RIPOR3: variants seen among roughly 807,000 people sequenced by gnomAD.
RIPOR3 encodes the protein RIPOR family member 3, also known as family with sequence similarity 65 member C.
In RIPOR3, 95 loss-of-function variants were observed where a neutral mutation model predicts 114.3. The ratio of observed to expected loss-of-function variants is 0.83; its 90% CI spans 0.70 to 0.99. RIPOR3 has a LOEUF of 0.99. Ranked by LOEUF, RIPOR3 falls within the 50% of genes least tolerant of loss-of-function variation. The pLI is 0.00. For missense variants in RIPOR3, 1,252 were observed against 1,266.9 expected (o/e 0.99, Z 0.18); for synonymous variants, 575 against 543.8 (o/e 1.06, Z -0.80).
chr20:50,595,113 G>C (rs888004412), intron 16 of RIPOR3: 9 of 544,050 alleles, frequency 1.7e-5, no homozygotes, highest in Non-Finnish European at 2.6e-5. Context: ...TATGCAGATA[G>C]GGAAGCAGAG....
At position 50,605,928 on chromosome 20, in the gene RIPOR3, G is replaced by A. The variant is rs568698177; in HGVS notation, c.957-1154C>T. ...CTTTAGAAACCTTTCTCAAGGCTGG[G>A]CGTGGTGGCTCATGCCTGTAATCCC... On this transcript the variant is annotated intron_variant, in intron 11 of 21. Transcript: ENST00000327979. Among the ~76,000 whole-genome samples the A allele has an allele frequency of 3.8e-3, 580 of 152,330 alleles. 3 individuals carry two copies. Among genetic ancestry groups the A allele is most frequent in the Non-Finnish European group, 6.4e-3 (434 of 68,020 alleles).
intron 1 of RIPOR3, among the ~76,000 whole-genome samples, chr20:50,656,544 A>G (rs941800908): frequency 3.3e-5 from 5 of 152,040 alleles, no homozygotes; most frequent in African/African-American, 7.2e-5. Flanking sequence ...GCCTCATTTT[A>G]GAGGCAGAGT....
At position 50,619,848 on chromosome 20, in the gene RIPOR3, G is replaced by T. The variant is rs2084330527; in HGVS notation, c.269+138C>A. On this transcript the variant is annotated intron_variant, in intron 3 of 21. Transcript: ENST00000327979. ...CACGCGGCTGCACCCTGACATACTTGCTTACTAAACGAATGACCAGGAACT... is the reference window on the plus strand; with the variant it reads ...CACGCGGCTGCACCCTGACATACTTTCTTACTAAACGAATGACCAGGAACT... 1.4e-5 allele frequency: 16 copies of T among 1,172,614 alleles called. 2 individuals carry two copies. In the South Asian group the frequency reaches 2.2e-4, roughly 16 times the overall value. The allele number at this position is 1,172,614 out of a possible 1,614,324, so 72.6% of individuals were successfully genotyped here.
chr20:50,602,203 C>G lies in RIPOR3; in HGVS notation c.1528G>C (p.Glu510Gln). 1.9e-6 allele frequency: 3 copies of G among 1,613,776 alleles called. No homozygotes were observed. Among genetic ancestry groups the G allele is most frequent in the Admixed American group, 3.3e-5 (2 of 60,022 alleles). ...TCGAGGGCCACGCCAGGCCCGTCCT[C>G]TCTGTCCCCGGTTGCCCCTTCCTCG... ...GHEEGATGDR[E>Q]DGPGVALEGP... Residue 510 changes from glutamate to glutamine, a missense_variant, in exon 13 of 22, where the codon GAG becomes CAG. Physicochemically the swap from Glu to Gln is conservative, Grantham distance 29. Transcript: ENST00000327979. The surrounding 1 kb of genome is among the most constrained non-coding windows in gnomAD (Gnocchi z 4.3).
rs6020652 is a variant in RIPOR3, at chr20:50,631,511, C to T, written c.4-655G>A. On this transcript the variant is annotated intron_variant, in intron 1 of 21. Coordinates refer to ENST00000327979, the MANE Select transcript of RIPOR3 (RefSeq NM_001290268.2). ...AGCAAGAAGCTCAGTGGGCTAAAGACGAGGTCAGAGAGGCCGGCAGGGCTC... is the reference window on the plus strand; with the variant it reads ...AGCAAGAAGCTCAGTGGGCTAAAGATGAGGTCAGAGAGGCCGGCAGGGCTC... 2.8e-3 allele frequency among the ~76,000 whole-genome samples: 428 copies of T among 152,294 alleles called. 4 individuals carry two copies. The highest frequency in any genetic ancestry group is 1.0e-2 in the African/African-American group (414 of 41,572).
At position 50,638,199 on chromosome 20, in the gene RIPOR3, G is replaced by A. The variant is rs372738384; in HGVS notation, c.4-7343C>T. On this transcript the variant is annotated intron_variant, in intron 1 of 21. Transcript: ENST00000327979. Reference sequence around the variant, plus strand: ...TCTCTGCAGAGGACAGCGGCCTGACGGATAGACACACAATGAGTGCCCTGA... The same window carrying A: ...TCTCTGCAGAGGACAGCGGCCTGACAGATAGACACACAATGAGTGCCCTGA... Among the ~76,000 whole-genome samples, 75 of 152,324 alleles carry A rather than the reference G, an allele frequency of 4.9e-4. 4 individuals carry two copies. In the South Asian group the frequency reaches 0.014, roughly 29 times the overall value.
chr20:50,681,354 T>C (rs190863930), intron 1 of RIPOR3, among the ~76,000 whole-genome samples: 2 of 151,134 alleles, frequency 1.3e-5, no homozygotes, highest in East Asian at 1.9e-4. Context: ...AAAGACGTGA[T>C]GTAACTGCTC....
In RIPOR3 at chr20:50,602,493, T is replaced by C; in HGVS notation, c.1238A>G (p.Glu413Gly). 6.4e-7 allele frequency: 1 copy of C among 1,561,192 alleles called. No homozygotes were observed. Among genetic ancestry groups the C allele is most frequent in the South Asian group, 1.2e-5 (1 of 85,652 alleles). ...GCTGGTCTCCGTGTCTCGGGGGTCCTCAGAGCTGAAGGAGTCCATCTCAGG... is the reference window on the plus strand; with the variant it reads ...GCTGGTCTCCGTGTCTCGGGGGTCCCCAGAGCTGAAGGAGTCCATCTCAGG... Reference protein sequence around the residue: ...ELPEMDSFSSEDPRDTETSTS... With the variant: ...ELPEMDSFSSGDPRDTETSTS... Residue 413 changes from glutamate to glycine, a missense_variant, in exon 13 of 22, where the codon GAG (glutamate) becomes GGG (glycine). Transcript: ENST00000327979. This position sits in a 1 kb window ranked among gnomAD's most constrained non-coding sequence, Gnocchi z 4.3.
intron 1 of RIPOR3, among the ~76,000 whole-genome samples, chr20:50,641,202 C>G (rs889987338): frequency 6.6e-6 from 1 of 151,894 alleles, no homozygotes; most frequent in South Asian, 2.1e-4. Context: ...TGAGCCACCA[C>G]GTCCGGCTCA....
chr20:50,588,749 G>GAAAAAAAAAAAAAA (rs869194473), intron 20 of RIPOR3, among the ~76,000 whole-genome samples: 1 of 58,452 alleles, frequency 1.7e-5, no homozygotes, highest in African/African-American at 6.5e-5. Context: ...ATTCTCAAGT[G>GAAAAAAAAAAAAAA]AAAAAAAAAA....
chr20:50,621,163 A>C (rs1349236697), intron 2 of RIPOR3: 1 of 353,378 alleles, frequency 2.8e-6, no homozygotes, highest in East Asian at 7.6e-5. Flanking sequence ...GGTATCAGAA[A>C]TGAACTTACA....
At chr20:50,630,303 A>G (rs2084769919) in intron 2 of RIPOR3, among the ~76,000 whole-genome samples, 1 of 151,660 alleles carries the variant, frequency 6.6e-6, no homozygotes, top group Non-Finnish European at 1.5e-5. Flanking sequence ...TTTTGTAGAG[A>G]TTGGGTTGTG....
intron 1 of RIPOR3, among the ~76,000 whole-genome samples, chr20:50,663,020 C>T (rs139440038): frequency 0.012 from 1,711 of 148,228 alleles, 26 homozygotes; most frequent in African/African-American, 0.033. Flanking sequence ...TCACTTGAAC[C>T]GGGGAGGTGG....
Position 50,589,710 on chromosome 20 carries a change from T to C in RIPOR3, c.2637A>G (p.Ala879=). 3 of 1,613,920 alleles carry C rather than the reference T, an allele frequency of 1.9e-6. No homozygotes were observed. Among genetic ancestry groups the C allele is most frequent in the Non-Finnish European group, 2.5e-6 (3 of 1,179,882 alleles). The change falls in exon 20 of 22, where the codon GCA becomes GCG. Residue 879 remains alanine, a synonymous_variant. Coordinates refer to ENST00000327979, the MANE Select transcript of RIPOR3 (RefSeq NM_001290268.2). The stretch of plus-strand genomic sequence containing the variant: ...CCTTGAGGTGTTTGAGCGCTAGGCA[T>C]GCGGCCTGCTGGAGCCTTGCGTCGT... ...AENDARLQQA[A]CLALKHLKGI...
rs2083223952 is a variant in RIPOR3 at position 50,594,539 on chromosome 20, A to G, written c.2212+14T>C. ...TTTCTGTGGGAGGGGACGACAGGAC[A>G]GAAGGGAACCCACCTATTTCCAGCT... On this transcript the variant is annotated intron_variant, in intron 17 of 21. Transcript: ENST00000327979. 1 of 1,609,682 alleles carries G rather than the reference A, an allele frequency of 6.2e-7. No individual in the cohort carries two copies. Among genetic ancestry groups the G allele is most frequent in the Non-Finnish European group, 8.5e-7 (1 of 1,176,636 alleles).
At chr20:50,682,612 A>ATGTGTGTGTGTGTGTGTGTGTGTG (rs71190593) in intron 1 of RIPOR3, among the ~76,000 whole-genome samples, 10,133 of 146,678 alleles carry the variant, frequency 0.069, 448 homozygotes, top group Middle Eastern at 0.13. Context: ...GTCTCAAAAT[A>ATGTGTGTGTGTGTGTGTGTGTGTG]TGTGTGTGTG....
At chr20:50,594,750 C>T (rs945269518) in intron 16 of RIPOR3, 36 bp from the exon 17 acceptor site, 22 of 1,587,526 alleles carry the variant, frequency 1.4e-5, no homozygotes, top group Non-Finnish European at 1.8e-5. Flanking sequence ...AATGGTGACT[C>T]GGGGAGAGCA....
At chr20:50,642,338 CTCTGTGGGTGTGTGTGTG>C (rs1162868918) in intron 1 of RIPOR3, among the ~76,000 whole-genome samples, 8 of 117,376 alleles carry the variant, frequency 6.8e-5, no homozygotes, top group African/African-American at 3.8e-4. Context: ...TTAAATTGTT[CTCTGTGGGTGTGTGTGTG>C]TGTGTGTGTG....
intron 1 of RIPOR3, among the ~76,000 whole-genome samples, chr20:50,641,060 C>G (rs1416614637): frequency 6.6e-6 from 1 of 151,930 alleles, no homozygotes; most frequent in Non-Finnish European, 1.5e-5. Context: ...CAGGCATGCA[C>G]CACCACGCCT....
Sources: allele counts gnomAD v4.1 joint callset (sites outside exome capture counted in the v4.1 genomes callset), GRCh38; gene constraint gnomAD v4.1.1; non-coding constraint Gnocchi (gnomAD v3.1); transcripts MANE v1.5; gene names NCBI Gene and HGNC (gene_info 2026-07-23, HGNC 2026-07-21).